PPARGC1A: variants seen among roughly 807,000 people sequenced by gnomAD.
PPARGC1A encodes peroxisome proliferator-activated receptor gamma coactivator 1-alpha.
Under a neutral mutation model 88.7 loss-of-function variants are expected in PPARGC1A, and 25 were observed. The observed-to-expected ratio is 0.28, with a 90% CI of 0.21 to 0.39. The LOEUF (loss-of-function observed/expected upper bound fraction) is 0.39. Ranked by LOEUF, PPARGC1A falls within the 10% of genes least tolerant of loss-of-function variation. PPARGC1A has a pLI of 1.00. For synonymous variants in PPARGC1A, 363 were observed against 355.6 expected, an observed-to-expected ratio of 1.02 and a Z score of -0.24; for missense variants, 880 against 968.7, an observed-to-expected ratio of 0.91 and a Z score of 1.22.
At chr4:24,049,308 G>GTGTATGTATATATATA in the PPARGC1A span, among the ~76,000 whole-genome samples, 8 of 139,550 alleles carry the variant, frequency 5.7e-5, no homozygotes, top group Non-Finnish European at 1.2e-4. Flanking sequence ...ATATATGTGT[G>GTGTATGTATATATATA]TATATATATA....
At chr4:24,009,150 A>AAAAAAAAAGAG in the PPARGC1A span, among the ~76,000 whole-genome samples, 14,652 of 79,814 alleles carry the variant, frequency 0.18, 1,889 homozygotes, top group Middle Eastern at 0.27. Flanking sequence ...AAAAAAAAAA[A>AAAAAAAAAGAG]AGAGAGAGAA....
At chr4:24,014,075 C>G in the PPARGC1A span, among the ~76,000 whole-genome samples, 3 of 152,182 alleles carry the variant, frequency 2.0e-5, no homozygotes, top group Non-Finnish European at 4.4e-5. Context: ...ACATTCAAGA[C>G]CTCATTCCTA....
the PPARGC1A span, among the ~76,000 whole-genome samples, chr4:24,162,591 C>CTTT: frequency 7.2e-4 from 92 of 128,034 alleles, 1 homozygote; most frequent in African/African-American, 2.6e-3. Context: ...TCCTTACTTC[C>CTTT]TTTTTTTTTT....
At chr4:24,415,858 C>A in the PPARGC1A span, among the ~76,000 whole-genome samples, 1 of 152,028 alleles carries the variant, frequency 6.6e-6, no homozygotes, top group Non-Finnish European at 1.5e-5. Context: ...ATGGGGATAA[C>A]ACTTATACTA....
At chr4:24,452,988 G>A in the PPARGC1A span, among the ~76,000 whole-genome samples, 1 of 152,202 alleles carries the variant, frequency 6.6e-6, no homozygotes, top group Non-Finnish European at 1.5e-5. Flanking sequence ...TGCATTTGGA[G>A]ACATGGACCT....
At chr4:24,156,916 C>T in the PPARGC1A span, among the ~76,000 whole-genome samples, 1 of 152,016 alleles carries the variant, frequency 6.6e-6, no homozygotes, top group African/African-American at 2.4e-5. Flanking sequence ...CATTGTTACC[C>T]AAATGGTGTT....
At chr4:24,168,280 G>C in the PPARGC1A span, among the ~76,000 whole-genome samples, 1 of 152,176 alleles carries the variant, frequency 6.6e-6, no homozygotes, top group Non-Finnish European at 1.5e-5. Flanking sequence ...AGGCTCACAG[G>C]TGAAGTGTCT....
chr4:24,073,961 C>G, the PPARGC1A span, among the ~76,000 whole-genome samples: 35 of 152,102 alleles, frequency 2.3e-4, no homozygotes, highest in African/African-American at 8.2e-4. Flanking sequence ...TATCCGGTAC[C>G]ACTCCCAATG....
chr4:23,826,383 G>A (rs1723933791), intron 5 of PPARGC1A, among the ~76,000 whole-genome samples: 2 of 152,106 alleles, frequency 1.3e-5, no homozygotes, highest in African/African-American at 4.8e-5. Context: ...TCTTTTTCAT[G>A]TAGATTGTGG....
chr4:24,290,034 A>G, the PPARGC1A span, among the ~76,000 whole-genome samples: 1 of 152,102 alleles, frequency 6.6e-6, no homozygotes, highest in East Asian at 1.9e-4. Context: ...CATTTATGAA[A>G]CCATCAGATC....
chr4:24,127,919 T>C, the PPARGC1A span, among the ~76,000 whole-genome samples: 1,306 of 152,262 alleles, frequency 8.6e-3, 26 homozygotes, highest in African/African-American at 0.03. Flanking sequence ...TCCCAGAGAA[T>C]AGAATCAGAC....
At chr4:24,417,339 G>A in the PPARGC1A span, among the ~76,000 whole-genome samples, 1 of 152,162 alleles carries the variant, frequency 6.6e-6, no homozygotes, top group Non-Finnish European at 1.5e-5. Context: ...ACAACTCCCA[G>A]CACATGCCAA....
the PPARGC1A span, among the ~76,000 whole-genome samples, chr4:23,962,607 A>G: frequency 6.6e-6 from 1 of 152,178 alleles, no homozygotes; most frequent in Non-Finnish European, 1.5e-5. Context: ...ATATTTGTCT[A>G]TGACTGAGCA....
At chr4:23,886,878 G>A (rs1177758241) in intron 1 of PPARGC1A, among the ~76,000 whole-genome samples, 3 of 145,442 alleles carry the variant, frequency 2.1e-5, no homozygotes, top group African/African-American at 5.1e-5. Flanking sequence ...AAAAAAACAT[G>A]AACAACAAAA....
the PPARGC1A span, among the ~76,000 whole-genome samples, chr4:24,024,020 T>C: frequency 6.6e-6 from 1 of 152,186 alleles, no homozygotes; most frequent in African/African-American, 2.4e-5. Flanking sequence ...ATGGGCATGA[T>C]TCGCTAGTTT....
the PPARGC1A span, among the ~76,000 whole-genome samples, chr4:24,109,053 C>CACAT: frequency 5.5e-5 from 8 of 146,784 alleles, no homozygotes; most frequent in African/African-American, 2.1e-4. Context: ...CACACACACA[C>CACAT]ACACCTGAGA....
At chr4:24,363,435 T>C in the PPARGC1A span, among the ~76,000 whole-genome samples, 1 of 152,248 alleles carries the variant, frequency 6.6e-6, no homozygotes, top group Non-Finnish European at 1.5e-5. Flanking sequence ...ATGTGATTAA[T>C]GTTATTAACG....
chr4:23,999,889 C>G, the PPARGC1A span, among the ~76,000 whole-genome samples: 1 of 151,914 alleles, frequency 6.6e-6, no homozygotes, highest in South Asian at 2.1e-4. Context: ...CCTCAGCTGC[C>G]CCAAGAACAA....
chr4:24,298,283 A>C, the PPARGC1A span, among the ~76,000 whole-genome samples: 1 of 152,182 alleles, frequency 6.6e-6, no homozygotes, highest in African/African-American at 2.4e-5. Flanking sequence ...CTTCAGGCTC[A>C]GACTCTGAAA....
Sources: allele counts gnomAD v4.1 joint callset (sites outside exome capture counted in the v4.1 genomes callset), GRCh38; gene constraint gnomAD v4.1.1; transcripts MANE v1.5; gene names NCBI Gene and HGNC (gene_info 2026-07-23, HGNC 2026-07-21).